The following CTPS2 variants were observed in gnomAD, a reference collection of about 807,000 sequenced individuals.
CTPS2 encodes CTP synthase II.
A neutral mutation model predicts 46.8 loss-of-function variants in CTPS2; 19 were observed. That is an observed-to-expected ratio of 0.41 (90% CI 0.28 to 0.60). CTPS2 has a LOEUF of 0.60. Ranked by LOEUF, CTPS2 falls within the 20% of genes least tolerant of loss-of-function variation. The pLI, the probability that CTPS2 is intolerant of heterozygous loss-of-function variation, is 0.35. For missense variants in CTPS2, 286 were observed against 447.6 expected (o/e 0.64, Z 3.26); for synonymous variants, 151 against 165.2 (o/e 0.91, Z 0.66).
At chrX:16,629,604 T>C (rs920505409) in intron 14 of CTPS2, among the ~76,000 whole-genome samples, 3 of 111,934 alleles carry the variant, frequency 2.7e-5, no homozygotes, top group Non-Finnish European at 5.6e-5. Context: ...ATGTTGGTTT[T>C]GGTTTTAATT....
chrX:16,599,668 G>T (rs1262465738), intron 17 of CTPS2, among the ~76,000 whole-genome samples: 1 of 109,084 alleles, frequency 9.2e-6, no homozygotes, highest in Non-Finnish European at 1.9e-5. Flanking sequence ...TAGAGACAGG[G>T]TTTCTCCATG....
intron 17 of CTPS2, among the ~76,000 whole-genome samples, chrX:16,603,722 TTCTC>T (rs1555954446): frequency 9.0e-6 from 1 of 110,686 alleles, no homozygotes; most frequent in South Asian, 3.8e-4. Context: ...TGCTTTTTTT[TTCTC>T]TCTCTCTCTT....
intron 10 of CTPS2, among the ~76,000 whole-genome samples, chrX:16,671,003 C>G (rs1396387163): frequency 8.9e-6 from 1 of 111,832 alleles, no homozygotes; most frequent in Non-Finnish European, 1.9e-5. Flanking sequence ...AAGGTTCTTT[C>G]AAAACACTAT....
intron 16 of CTPS2, among the ~76,000 whole-genome samples, chrX:16,611,734 G>A (rs1350192867): frequency 9.0e-6 from 1 of 110,915 alleles, no homozygotes; most frequent in African/African-American, 3.3e-5. Flanking sequence ...GAGTTCTATA[G>A]GACAGCTCTG....
At chrX:16,600,544 C>A (rs1441092151) in intron 17 of CTPS2, among the ~76,000 whole-genome samples, 2 of 111,211 alleles carry the variant, frequency 1.8e-5, no homozygotes, top group Non-Finnish European at 3.8e-5. Flanking sequence ...AGTAGAATAC[C>A]ACCCAGGCAG....
At chrX:16,596,812 G>A (rs368000558) in intron 17 of CTPS2, among the ~76,000 whole-genome samples, 6,641 of 103,699 alleles carry the variant, frequency 0.064, 666 homozygotes, top group African/African-American at 0.2. Context: ...TCCCACCAAC[G>A]GTGTAAAAGT....
intron 13 of CTPS2, among the ~76,000 whole-genome samples, chrX:16,658,020 G>A (rs1435090105): frequency 2.7e-5 from 3 of 110,949 alleles, no homozygotes; most frequent in Admixed American, 9.6e-5. Flanking sequence ...AGCCTGGGCA[G>A]CATGGTGAAA....
intron 17 of CTPS2, among the ~76,000 whole-genome samples, chrX:16,607,128 C>T (rs1434349742): frequency 8.9e-6 from 1 of 112,927 alleles, no homozygotes; most frequent in Non-Finnish European, 1.9e-5. Flanking sequence ...GCAGTCCACA[C>T]GAGCCAGACA....
At chrX:16,632,432 T>C (rs111524626) in intron 14 of CTPS2, among the ~76,000 whole-genome samples, 1,471 of 109,869 alleles carry the variant, frequency 0.013, 20 homozygotes, top group African/African-American at 0.045. Flanking sequence ...TTCTTTCTTT[T>C]TTTTTTTGAG....
At position 16,653,118 on chromosome X, in the gene CTPS2, A is replaced by C. The variant is rs1374052710; in HGVS notation, c.1297-13875T>G. On this transcript the variant is annotated intron_variant, in intron 13 of 18. Coordinates refer to ENST00000359276, the MANE Select transcript of CTPS2 (RefSeq NM_175859.3). ...CCACAATTTATATATACATATATAT[A>C]TATAATATAGTCTAATTTGAAACTG... is the stretch of plus-strand genomic sequence containing the variant. Among the ~76,000 whole-genome samples the C allele has an allele frequency of 6.3e-5, 7 of 110,783 alleles. No individual in the cohort carries two copies. The Admixed American group carries it at 6.8e-4, about 11-fold the overall frequency.
At chrX:16,687,532 A>T (rs1314794308) in intron 8 of CTPS2, among the ~76,000 whole-genome samples, 1 of 109,635 alleles carries the variant, frequency 9.1e-6, no homozygotes, top group African/African-American at 3.3e-5. Context: ...AAACGCATAG[A>T]GTATAATTTA....
intron 2 of CTPS2, among the ~76,000 whole-genome samples, chrX:16,701,811 G>A (rs746594875): frequency 9.2e-6 from 1 of 108,922 alleles, no homozygotes; most frequent in East Asian, 3.0e-4. Context: ...GTGTTAGCCA[G>A]GACGGTCTCG....
At chrX:16,661,138 T>A (rs1375828877) in intron 13 of CTPS2, among the ~76,000 whole-genome samples, 4 of 111,145 alleles carry the variant, frequency 3.6e-5, no homozygotes, top group African/African-American at 1.3e-4. Flanking sequence ...TTTTGTATTT[T>A]TAGTAGAGAC....
chrX:16,624,491 G>A (rs1434356629), intron 14 of CTPS2, among the ~76,000 whole-genome samples: 1 of 111,786 alleles, frequency 8.9e-6, no homozygotes, highest in Non-Finnish European at 1.9e-5. Context: ...GGCCACGTGG[G>A]TTTTAAAAAT....
chrX:16,698,127 C>T, intron 4 of CTPS2, 109 bp downstream of exon 4: 8 of 565,127 alleles, frequency 1.4e-5, no homozygotes, highest in African/African-American at 2.2e-5. Flanking sequence ...CCTCCTAGCC[C>T]AGTGTCCAGC....
At chrX:16,612,404 A>G (rs772937582) in intron 16 of CTPS2, among the ~76,000 whole-genome samples, 1 of 112,012 alleles carries the variant, frequency 8.9e-6, no homozygotes, top group African/African-American at 3.2e-5. Flanking sequence ...TTTCCTTTTC[A>G]ATCCACATGA....
intron 17 of CTPS2, among the ~76,000 whole-genome samples, chrX:16,592,765 A>G (rs1166863263): frequency 8.9e-6 from 1 of 112,209 alleles, no homozygotes; most frequent in Non-Finnish European, 1.9e-5. Context: ...CCCTTCCAAC[A>G]TTCTCATAGG....
intron 13 of CTPS2, among the ~76,000 whole-genome samples, chrX:16,639,900 G>A (rs919060681): frequency 3.6e-5 from 4 of 111,391 alleles, no homozygotes; most frequent in African/African-American, 1.3e-4. Flanking sequence ...TCTGTAGGTC[G>A]GAAACTTAAG....
intron 13 of CTPS2, among the ~76,000 whole-genome samples, chrX:16,647,298 G>A (rs944557258): frequency 5.9e-5 from 4 of 67,539 alleles, no homozygotes; most frequent in South Asian, 7.3e-4. Flanking sequence ...ACAAAGTTTC[G>A]CTCTTATTGC....
Sources: allele counts gnomAD v4.1 joint callset (sites outside exome capture counted in the v4.1 genomes callset), GRCh38; gene constraint gnomAD v4.1.1; transcripts MANE v1.5; gene names NCBI Gene and HGNC (gene_info 2026-07-23, HGNC 2026-07-21).